The following RGS6 variants were observed in gnomAD, a reference collection of about 807,000 sequenced individuals.
The protein encoded by RGS6 is regulator of G protein signaling 6, also known as regulator of G-protein signaling 6.
Under a neutral mutation model 78.5 loss-of-function variants are expected in RGS6, and 30 were observed. The ratio of observed to expected loss-of-function variants is 0.38; its 90% CI spans 0.29 to 0.52. The LOEUF is 0.52. RGS6 is among the 20% of genes least tolerant of loss of function. RGS6 has a pLI of 0.85. For synonymous variants in RGS6, 206 were observed against 206.0 expected (o/e 1.00, Z 0.00); for missense variants, 495 against 609.7 (o/e 0.81, Z 1.98).
chr14:72,580,563 G>A, the RGS6 span, among the ~76,000 whole-genome samples: 2 of 152,310 alleles, frequency 1.3e-5, no homozygotes, highest in East Asian at 1.9e-4. Context: ...ATGAGATAGG[G>A]CAAGGAGAAA....
At chr14:72,434,211 C>T (rs2094794585) in intron 3 of RGS6, among the ~76,000 whole-genome samples, 1 of 152,042 alleles carries the variant, frequency 6.6e-6, no homozygotes, top group Admixed American at 6.6e-5. Context: ...GTGGCATGCA[C>T]CTATAGTCTC....
chr14:71,905,935 T>C, the RGS6 span, among the ~76,000 whole-genome samples: 1 of 152,188 alleles, frequency 6.6e-6, no homozygotes, highest in African/African-American at 2.4e-5. Context: ...TTGACAGGCT[T>C]GTTGATAATT....
At chr14:72,113,836 G>T (rs534366125) in intron 2 of RGS6, among the ~76,000 whole-genome samples, 1 of 152,202 alleles carries the variant, frequency 6.6e-6, no homozygotes, top group South Asian at 2.1e-4. Flanking sequence ...TCAAGGGGTA[G>T]GGAAGAACAT....
At chr14:72,302,933 T>G (rs1021185549) in intron 2 of RGS6, among the ~76,000 whole-genome samples, 24 of 152,302 alleles carry the variant, frequency 1.6e-4, no homozygotes, top group African/African-American at 5.8e-4. Context: ...TCCGATGGTT[T>G]TAGAAAGGGC....
intron 1 of RGS6, among the ~76,000 whole-genome samples, chr14:71,959,563 C>T (rs1299585899): frequency 6.6e-6 from 1 of 152,120 alleles, no homozygotes; most frequent in Non-Finnish European, 1.5e-5. Context: ...AGTTGCAAGC[C>T]ATGGTAATTT....
At chr14:72,014,167 G>A (rs1005264614) in intron 2 of RGS6, among the ~76,000 whole-genome samples, 8 of 152,254 alleles carry the variant, frequency 5.3e-5, no homozygotes, top group Admixed American at 2.0e-4. Context: ...TGGCCCCAAC[G>A]TCCACTCCTA....
intron 2 of RGS6, among the ~76,000 whole-genome samples, chr14:72,139,939 A>G (rs1377210577): frequency 2.0e-5 from 3 of 151,926 alleles, no homozygotes; most frequent in African/African-American, 7.3e-5. Flanking sequence ...TTCCCACTTG[A>G]CTCTCAGTTA....
At chr14:72,255,350 C>T (rs1418261291) in intron 2 of RGS6, among the ~76,000 whole-genome samples, 1 of 152,140 alleles carries the variant, frequency 6.6e-6, no homozygotes. Flanking sequence ...AGAAGGGGAA[C>T]TGACTGGCCT....
intron 2 of RGS6, among the ~76,000 whole-genome samples, chr14:72,081,898 A>G (rs1371489636): frequency 1.3e-5 from 2 of 152,128 alleles, no homozygotes; most frequent in Non-Finnish European, 2.9e-5. Context: ...AAGTACAGAA[A>G]ATAATGCGGA....
chr14:72,017,339 A>G (rs986996858), intron 2 of RGS6, among the ~76,000 whole-genome samples: 1 of 152,198 alleles, frequency 6.6e-6, no homozygotes, highest in Non-Finnish European at 1.5e-5. Context: ...TGGTTTAGAT[A>G]CTCATACATT....
intron 3 of RGS6, among the ~76,000 whole-genome samples, chr14:72,414,721 G>A (rs2093676837): frequency 1.3e-5 from 2 of 151,954 alleles, no homozygotes; most frequent in South Asian, 4.1e-4. Flanking sequence ...TGATGATGGT[G>A]ATGTTTTTGG....
chr14:72,016,377 AT>A (rs200410306), intron 2 of RGS6, among the ~76,000 whole-genome samples: 2,876 of 151,880 alleles, frequency 0.019, 88 homozygotes, highest in African/African-American at 0.065. Flanking sequence ...GTTTATTTTT[AT>A]TTTTTGAAAC....
At chr14:72,436,962 G>A (rs1302365777) in intron 3 of RGS6, among the ~76,000 whole-genome samples, 3 of 152,104 alleles carry the variant, frequency 2.0e-5, no homozygotes, top group Non-Finnish European at 4.4e-5. Context: ...CATTAATGGA[G>A]AGACAGACCA....
intron 2 of RGS6, among the ~76,000 whole-genome samples, chr14:72,134,551 C>T (rs1164252208): frequency 1.3e-5 from 2 of 152,168 alleles, no homozygotes; most frequent in East Asian, 3.8e-4. Context: ...TGCCATTTAA[C>T]ATGTGTGTTA....
At chr14:72,538,804 C>T (rs2097283421) in intron 16 of RGS6, among the ~76,000 whole-genome samples, 1 of 152,232 alleles carries the variant, frequency 6.6e-6, no homozygotes, top group Admixed American at 6.5e-5. Context: ...CTTCTGCAAC[C>T]TCATATCTGT....
intron 6 of RGS6, among the ~76,000 whole-genome samples, chr14:72,461,488 A>G (rs1248764150): frequency 6.6e-6 from 1 of 152,160 alleles, no homozygotes; most frequent in African/African-American, 2.4e-5. Context: ...CTGTGCCTCA[A>G]TTTATGGCAA....
At chr14:72,551,877 C>A (rs1241953427) in intron 17 of RGS6, among the ~76,000 whole-genome samples, 4 of 152,228 alleles carry the variant, frequency 2.6e-5, no homozygotes, top group African/African-American at 9.6e-5. Flanking sequence ...AATTGCACAG[C>A]TTCTCTAAGC....
intron 2 of RGS6, among the ~76,000 whole-genome samples, chr14:72,336,635 GA>G (rs1030981172): frequency 2.6e-5 from 4 of 152,040 alleles, no homozygotes; most frequent in Non-Finnish European, 4.4e-5. Context: ...GAAAGAGTTG[GA>G]AAAAAATAAT....
At chr14:72,129,120 A>G (rs2096263573) in intron 2 of RGS6, among the ~76,000 whole-genome samples, 1 of 152,168 alleles carries the variant, frequency 6.6e-6, no homozygotes, top group African/African-American at 2.4e-5. Flanking sequence ...AAATTTAGAG[A>G]CCAGGTTGGG....
Sources: gnomAD v4.1 joint callset for allele counts (sites outside exome capture counted in the v4.1 genomes callset) on GRCh38, gnomAD v4.1.1 for gene constraint, MANE v1.5 for transcripts, NCBI Gene and HGNC (gene_info 2026-07-23, HGNC 2026-07-21) for gene names.